OR2C1: variants seen among roughly 807,000 people sequenced by gnomAD.
OR2C1 encodes olfactory receptor family 2 subfamily C member 1.
For missense variants in OR2C1, 468 were observed against 388.3 expected, an observed-to-expected ratio of 1.21 and a Z score of -1.73; for synonymous variants, 209 against 167.3, an observed-to-expected ratio of 1.25 and a Z score of -1.92.
upstream of OR2C1, chr16:3,355,767 G>A (rs796824454): frequency 8.3e-6 from 5 of 599,598 alleles, no homozygotes; most frequent in Non-Finnish European, 1.5e-5. Flanking sequence ...GGGTGACAGT[G>A]AGAGACTCTG....
the OR2C1 span, among the ~76,000 whole-genome samples, chr16:3,325,460 A>T: frequency 8.6e-5 from 8 of 93,148 alleles, no homozygotes; most frequent in South Asian, 6.0e-4. Context: ...TATGTCTAAA[A>T]ATATATATAT....
chr16:3,351,224 T>TC (rs1567284950), upstream of OR2C1, among the ~76,000 whole-genome samples: 19 of 8,610 alleles, frequency 2.2e-3, 1 homozygote, highest in Admixed American at 4.6e-3. Flanking sequence ...CTTTTTCTTT[T>TC]TCTTTTTTTT....
chr16:3,353,983 CT>C (rs1001983184), upstream of OR2C1, among the ~76,000 whole-genome samples: 242 of 115,464 alleles, frequency 2.1e-3, no homozygotes, highest in African/African-American at 2.9e-3. Context: ...CTTTTCTTTT[CT>C]TTTTTTTTTT....
the OR2C1 span, among the ~76,000 whole-genome samples, chr16:3,346,440 TG>T: frequency 1.3e-5 from 2 of 152,138 alleles, no homozygotes; most frequent in Admixed American, 1.3e-4. Flanking sequence ...CAGTCCAGTC[TG>T]CCATTAACCA....
chr16:3,329,748 C>CTTTTTTTTTT, the OR2C1 span, among the ~76,000 whole-genome samples: 1 of 62,622 alleles, frequency 1.6e-5, no homozygotes, highest in African/African-American at 8.0e-5. Context: ...GGCGCCCGGC[C>CTTTTTTTTTT]TTTTTTTTTT....
chr16:3,353,985 T>TTTTTA (rs2030616554), upstream of OR2C1, among the ~76,000 whole-genome samples: 1 of 119,616 alleles, frequency 8.4e-6, no homozygotes, highest in South Asian at 2.7e-4. Context: ...TTTCTTTTCT[T>TTTTTA]TTTTTTTTTT....
At chr16:3,347,484 C>T in the OR2C1 span, among the ~76,000 whole-genome samples, 4 of 149,648 alleles carry the variant, frequency 2.7e-5, no homozygotes, top group African/African-American at 7.4e-5. Flanking sequence ...TTTTTTGAGA[C>T]GGAGTTTTGC....
chr16:3,353,345 G>C (rs2030604098), upstream of OR2C1, among the ~76,000 whole-genome samples: 1 of 151,690 alleles, frequency 6.6e-6, no homozygotes, highest in Non-Finnish European at 1.5e-5. Flanking sequence ...ACAAAAATGA[G>C]CTGGGGATGG....
the OR2C1 span, among the ~76,000 whole-genome samples, chr16:3,348,582 A>G: frequency 3.9e-5 from 6 of 152,300 alleles, no homozygotes; most frequent in East Asian, 1.2e-3. Flanking sequence ...CAGTTCTATG[A>G]TCAGGAGAGA....
chr16:3,349,635 G>C, the OR2C1 span, among the ~76,000 whole-genome samples: 3 of 152,004 alleles, frequency 2.0e-5, no homozygotes, highest in Non-Finnish European at 4.4e-5. Flanking sequence ...AAGAATCCAG[G>C]ATATAAGAGA....
At chr16:3,329,577 GT>G in the OR2C1 span, among the ~76,000 whole-genome samples, 1 of 151,470 alleles carries the variant, frequency 6.6e-6, no homozygotes, top group African/African-American at 2.4e-5. Context: ...AGCCTCCTGA[GT>G]AGCTGGGACT....
the OR2C1 span, among the ~76,000 whole-genome samples, chr16:3,348,075 G>A: frequency 6.6e-6 from 1 of 152,162 alleles, no homozygotes; most frequent in Non-Finnish European, 1.5e-5. Context: ...GTAAGAAACG[G>A]AATGAGGGCT....
the OR2C1 span, among the ~76,000 whole-genome samples, chr16:3,331,226 A>C: frequency 6.6e-6 from 1 of 151,768 alleles, no homozygotes; most frequent in African/African-American, 2.4e-5. Flanking sequence ...CCACTTTTTG[A>C]TGGGGTTGTT....
upstream of OR2C1, among the ~76,000 whole-genome samples, chr16:3,354,828 T>C (rs972707765): frequency 1.4e-4 from 22 of 152,168 alleles, no homozygotes; most frequent in Non-Finnish European, 3.1e-4. Flanking sequence ...GGCATTGGAG[T>C]ACAGGGGCTC....
At chr16:3,325,719 A>G in the OR2C1 span, among the ~76,000 whole-genome samples, 1 of 151,516 alleles carries the variant, frequency 6.6e-6, no homozygotes, top group African/African-American at 2.4e-5. Context: ...TCATATAGGT[A>G]GATATCTTAA....
chr16:3,338,761 C>G, the OR2C1 span, among the ~76,000 whole-genome samples: 2 of 152,040 alleles, frequency 1.3e-5, no homozygotes, highest in Non-Finnish European at 2.9e-5. Context: ...TGGTCTCGAT[C>G]TCCTGACCTT....
upstream of OR2C1, among the ~76,000 whole-genome samples, chr16:3,354,264 C>T (rs1196874810): frequency 2.6e-5 from 4 of 152,040 alleles, no homozygotes; most frequent in Admixed American, 6.5e-5. Context: ...GGATTACAGG[C>T]GTGAGCCACT....
At chr16:3,333,051 T>C in the OR2C1 span, among the ~76,000 whole-genome samples, 2 of 152,058 alleles carry the variant, frequency 1.3e-5, no homozygotes, top group Non-Finnish European at 2.9e-5. Context: ...TTATTTTCTG[T>C]CTTTTTAAAT....
the OR2C1 span, among the ~76,000 whole-genome samples, chr16:3,329,164 G>A: frequency 5.8e-5 from 3 of 51,678 alleles, no homozygotes; most frequent in Non-Finnish European, 1.0e-4. Flanking sequence ...AGGGATGGGA[G>A]GGAAGACACA....
Sources: allele counts gnomAD v4.1 joint callset (sites outside exome capture counted in the v4.1 genomes callset), GRCh38; gene constraint gnomAD v4.1.1; transcripts MANE v1.5; gene names NCBI Gene and HGNC (gene_info 2026-07-23, HGNC 2026-07-21).